ABCC10: variants seen among roughly 807,000 people sequenced by gnomAD.
ABCC10 encodes ATP-binding cassette sub-family C member 10.
In ABCC10, 110 loss-of-function variants were observed where a neutral mutation model predicts 143.2. That is an observed-to-expected ratio of 0.77 (90% CI 0.66 to 0.90). ABCC10 has a LOEUF of 0.90. ABCC10 is among the 40% of genes least tolerant of loss of function. The pLI, the probability that ABCC10 is intolerant of heterozygous loss-of-function variation, is 0.00. For missense variants in ABCC10, 1,700 were observed against 1,900.5 expected (o/e 0.89, Z 1.96); for synonymous variants, 805 against 846.7 (o/e 0.95, Z 0.85).
intron 2 of ABCC10, among the ~76,000 whole-genome samples, chr6:43,429,616 T>G (rs1197819910): frequency 6.6e-6 from 1 of 152,076 alleles, no homozygotes; most frequent in Non-Finnish European, 1.5e-5. Flanking sequence ...AAAAATTATT[T>G]TTAATAGGCC....
rs1424380553 is a variant in ABCC10 at position 43,436,252 on chromosome 6, G to GTTGGACA, written c.1875+6_1875+12dup. The stretch of plus-strand genomic sequence containing the variant: ...AGTCATCTCGAAGTGAAAAAGGTTT[G>GTTGGACA]TTGGACAGACACCCTGGGAGAGTCC... On this transcript the variant is annotated splice_donor_region_variant and intron_variant, in intron 6 of 21. Coordinates refer to ENST00000372530, the MANE Select transcript of ABCC10 (RefSeq NM_001198934.2). The GTTGGACA allele has an allele frequency of 6.2e-7, 1 of 1,613,268 alleles. No individual in the cohort carries two copies. Among genetic ancestry groups the GTTGGACA allele is most frequent in the Non-Finnish European group, 8.5e-7 (1 of 1,179,942 alleles).
intron 5 of ABCC10, 22 bp from the exon 6 acceptor site, chr6:43,436,116 A>G: frequency 6.2e-7 from 1 of 1,614,066 alleles, no homozygotes; most frequent in Non-Finnish European, 8.5e-7. Context: ...AGGAGCCCAA[A>G]TCAAGTGGCT....
chr6:43,446,495 C>T lies in ABCC10; in HGVS notation c.3544+49C>T, dbSNP rs766299474. ...CTACCTCATCCACAAGTTAGTCCAC[C>T]GCTCTCCCAGATCTCTCCCTGCACC... On this transcript the variant is annotated intron_variant, in intron 16 of 21. Coordinates refer to ENST00000372530, the MANE Select transcript of ABCC10 (RefSeq NM_001198934.2). The T allele has an allele frequency of 2.8e-5, 44 of 1,576,674 alleles. No homozygotes were observed. The South Asian group carries it at 3.8e-4, about 13-fold the overall frequency.
intron 13 of ABCC10, 83 bp from the exon 14 acceptor site, chr6:43,445,042 T>C (rs1269828803): frequency 1.3e-6 from 2 of 1,584,618 alleles, no homozygotes; most frequent in African/African-American, 2.7e-5. Flanking sequence ...TTCTGGAGGG[T>C]GGGAGAGATG....
chr6:43,434,694 TAG>T lies in ABCC10; in HGVS notation c.1457_1458del (p.Glu486GlyfsTer205). 6.2e-7 allele frequency: 1 copy of T among 1,614,072 alleles called. No homozygotes were observed. On this transcript the variant is annotated frameshift_variant, in exon 4 of 22. Transcript: ENST00000372530. LOFTEE classifies it high-confidence loss of function. ...TGGGAGCAGGCACTGGGAGCCCGAGTAGAGGCCTGCCGGGCTCGAGAGCTGGG... is the reference window on the plus strand; with the variant it reads ...TGGGAGCAGGCACTGGGAGCCCGAGTAGGCCTGCCGGGCTCGAGAGCTGGG...
chr6:43,428,398 G>T (rs1346552333), intron 2 of ABCC10, among the ~76,000 whole-genome samples: 2 of 152,286 alleles, frequency 1.3e-5, no homozygotes, highest in Non-Finnish European at 1.5e-5. Context: ...GTTTTTAAAG[G>T]TCCGATGAGT....
Position 43,440,931 on chromosome 6 carries a change from C to CAT in ABCC10, c.2128-930_2128-929insTA, listed in dbSNP as rs1188160854. Among the ~76,000 whole-genome samples the CAT allele has an allele frequency of 4.4e-3, 549 of 123,714 alleles. 4 individuals are homozygous for CAT. The highest frequency in any genetic ancestry group is 0.014 in the African/African-American group (490 of 34,632). The allele number at this position is 123,714 out of a possible 152,430, so 81.2% of individuals were successfully genotyped here. On this transcript the variant is annotated intron_variant, in intron 8 of 21. Transcript: ENST00000372530. ...ATCTCTTCTCTACAAAAAAAAAAAA[C>CAT]AAACAAACAAAAAAAACAAAAATTA...
chr6:43,445,709 G>A lies in ABCC10; in HGVS notation c.3141G>A (p.Leu1047=). 1.2e-6 allele frequency: 2 copies of A among 1,614,172 alleles called. No homozygotes were observed. The highest frequency in any genetic ancestry group is 1.7e-6 in the Non-Finnish European group (2 of 1,180,036). Reference sequence around the variant, plus strand: ...TGCCCTTCATCCTCAACATCCTCCTGGCCAACGCGGCAGGCCTGCTGGGGC... The same window carrying A: ...TGCCCTTCATCCTCAACATCCTCCTAGCCAACGCGGCAGGCCTGCTGGGGC... ...DSLPFILNIL[L]ANAAGLLGLL... is the part of the protein sequence containing the mutation. Residue 1047 remains leucine (L), a synonymous_variant, in exon 15 of 22, where the codon CTG becomes CTA. Coordinates refer to ENST00000372530, the MANE Select transcript of ABCC10 (RefSeq NM_001198934.2).
intron 14 of ABCC10, 46 bp downstream of exon 14, chr6:43,445,360 C>T (rs1217073314): frequency 1.3e-6 from 2 of 1,570,264 alleles, no homozygotes; most frequent in Admixed American, 3.7e-5. Context: ...GTCCTAGCCC[C>T]TGTGGAGTGT....
Position 43,445,820 on chromosome 6 carries a change from C to T in ABCC10, c.3252C>T (p.His1084=). 5.6e-6 allele frequency: 9 copies of T among 1,614,154 alleles called. No individual in the cohort carries two copies. Among genetic ancestry groups the T allele is most frequent in the Non-Finnish European group, 7.6e-6 (9 of 1,180,042 alleles). ...TCATGTACTATCACGTGCAGCGCCA[C>T]TACAGGGCCTCCTCACGGGAGCTGC... ...LSIMYYHVQR[H]YRASSRELRR... is the part of the protein sequence containing the mutation. Residue 1084 remains histidine, a synonymous_variant, in exon 15 of 22, where the codon CAC becomes CAT. Coordinates refer to ENST00000372530, the MANE Select transcript of ABCC10 (RefSeq NM_001198934.2).
At chr6:43,440,872 AAAAAT>A (rs1445341360) in intron 8 of ABCC10, among the ~76,000 whole-genome samples, 1 of 150,522 alleles carries the variant, frequency 6.6e-6, no homozygotes, top group Non-Finnish European at 1.5e-5. Flanking sequence ...TCAAAAAAAA[AAAAAT>A]ACCAGACCAC....
chr6:43,444,862 G>A lies in ABCC10; in HGVS notation c.2764G>A (p.Ala922Thr). ...QLKAENSSQE[A>T]QPSTSPASMG... Reference sequence around the variant, plus strand: ...GAAGGCTGAGAATAGCTCCCAGGAGGCGCAACCCTCCACCAGCCCAGCTTC... The same window carrying A: ...GAAGGCTGAGAATAGCTCCCAGGAGACGCAACCCTCCACCAGCCCAGCTTC... Residue 922 changes from alanine to threonine, a missense_variant, in exon 13 of 22, where the codon GCG becomes ACG. Coordinates refer to ENST00000372530, the MANE Select transcript of ABCC10 (RefSeq NM_001198934.2). The A allele has an allele frequency of 6.2e-7, 1 of 1,613,998 alleles. No homozygotes were observed. The highest frequency in any genetic ancestry group is 8.5e-7 in the Non-Finnish European group (1 of 1,179,948).
In ABCC10 at chr6:43,445,788, T is replaced by G; in HGVS notation, c.3220T>G (p.Leu1074Val). 1.2e-6 allele frequency: 2 copies of G among 1,614,102 alleles called. No homozygotes were observed. Among genetic ancestry groups the G allele is most frequent in the Non-Finnish European group, 1.7e-6 (2 of 1,180,034 alleles). ...LPWLLLLLPPLSIMYYHVQRH... is the reference protein window; with the variant it reads ...LPWLLLLLPPVSIMYYHVQRH... ...CTGGCTGCTGCTCCTGCTGCCGCCT[T>G]TGAGCATCATGTACTATCACGTGCA... Residue 1074 changes from leucine to valine, a missense_variant, in exon 15 of 22, where the codon TTG (leucine) becomes GTG (valine). Leu to Val is a conservative substitution (Grantham distance 32). Coordinates refer to ENST00000372530, the MANE Select transcript of ABCC10 (RefSeq NM_001198934.2).
Position 43,446,318 on chromosome 6 carries a change from G to A in ABCC10, c.3416G>A (p.Arg1139Lys). Residue 1139 changes from arginine to lysine, a missense_variant, in exon 16 of 22, where the codon AGG (arginine) becomes AAG (lysine). Arg to Lys is a conservative substitution (Grantham distance 26, BLOSUM62 2). Transcript: ENST00000372530. ...CTGCGACTCCTTGAGCTAAACCAGA[G>A]GTGCCAGTTTGCCACCAGTGCCACA... ...ENLRLLELNQRCQFATSATMQ... is the reference protein window; with the variant it reads ...ENLRLLELNQKCQFATSATMQ... The A allele has an allele frequency of 1.2e-6, 2 of 1,614,000 alleles. No homozygotes were observed. The highest frequency in any genetic ancestry group is 1.7e-5 in the Admixed American group (1 of 60,010).
chr6:43,434,472 G>A (rs1781471265), intron 3 of ABCC10, 149 bp from the exon 4 acceptor site: 1 of 725,532 alleles, frequency 1.4e-6, no homozygotes, highest in Admixed American at 2.5e-5. Flanking sequence ...AAGTACTGAG[G>A]TGAGGAAGAA....
intron 18 of ABCC10, 46 bp downstream of exon 18, chr6:43,447,983 C>T: frequency 6.2e-7 from 1 of 1,603,734 alleles, no homozygotes; most frequent in South Asian, 1.1e-5. Flanking sequence ...ACCAGAACTA[C>T]TGGCACTTAG....
At position 43,445,621 on chromosome 6, in the gene ABCC10, C is replaced by G. The variant is rs1273166810; in HGVS notation, c.3053C>G (p.Ala1018Gly). 1.2e-6 allele frequency: 2 copies of G among 1,612,458 alleles called. No individual in the cohort carries two copies. Among genetic ancestry groups the G allele is most frequent in the Non-Finnish European group, 1.7e-6 (2 of 1,178,666 alleles). The change falls in exon 15 of 22, where the codon GCC (alanine) becomes GGC (glycine). Residue 1018 changes from alanine to glycine, a missense_variant. Physicochemically the swap from Ala to Gly is moderately conservative, Grantham distance 60. Coordinates refer to ENST00000372530, the MANE Select transcript of ABCC10 (RefSeq NM_001198934.2). ...CAGGCACCAGTGACTTTCTTCAATG[C>G]CACACCCACGGGCCGGATCCTAAAC... ...VLMAPVTFFN[A>G]TPTGRILNRF...
chr6:43,443,940 C>T lies in ABCC10; in HGVS notation c.2424C>T (p.Pro808=). Residue 808 remains proline (P), a synonymous_variant, in exon 11 of 22, where the codon CCC becomes CCT. Transcript: ENST00000372530. This position sits in a 1 kb window ranked among gnomAD's most constrained non-coding sequence, Gnocchi z 4.2. ...EAGRLIRAGP[P]SEILPLVQAV... is the part of the protein sequence containing the mutation. ...TCCCCTTCTACCCTCCAGGACCTCCCTCTGAGATTCTGCCACTGGTACAAG... is the reference window on the plus strand; with the variant it reads ...TCCCCTTCTACCCTCCAGGACCTCCTTCTGAGATTCTGCCACTGGTACAAG... 1 of 1,613,826 alleles carries T rather than the reference C, an allele frequency of 6.2e-7. No homozygotes were observed. Among genetic ancestry groups the T allele is most frequent in the African/African-American group, 1.3e-5 (1 of 75,058 alleles).
Position 43,432,154 on chromosome 6 carries a change from C to T in ABCC10, c.174C>T (p.Tyr58=). ...CYLGTPRSPD[Y]ILPCSPGWRL... ...CCCTTGTCCCCAGGAGTCCAGATTA[C>T]ATCCTACCCTGCAGTCCTGGATGGC... Residue 58 remains tyrosine (Y), a synonymous_variant, in exon 3 of 22, where the codon TAC becomes TAT. Transcript: ENST00000372530. 1 of 1,614,180 alleles carries T rather than the reference C, an allele frequency of 6.2e-7. No individual in the cohort carries two copies.
Sources: gnomAD v4.1 joint callset for allele counts (sites outside exome capture counted in the v4.1 genomes callset) on GRCh38, gnomAD v4.1.1 for gene constraint, Gnocchi (gnomAD v3.1) non-coding constraint, MANE v1.5 for transcripts, NCBI Gene and HGNC (gene_info 2026-07-23, HGNC 2026-07-21) for gene names.